Variants in DEPTOR observed in about 807,000 individuals in gnomAD.
DEPTOR encodes the protein DEP domain-containing mTOR-interacting protein.
Under a neutral mutation model 41.6 loss-of-function variants are expected in DEPTOR, and 41 were observed. That is an observed-to-expected ratio of 0.98 (90% CI 0.77 to 1.28). The LOEUF (loss-of-function observed/expected upper bound fraction) is 1.28, where lower values mean the gene tolerates loss of function less well. Ranked by LOEUF, DEPTOR falls within the 50% of genes most tolerant of loss-of-function variation. The pLI is 0.00. For synonymous variants in DEPTOR, 195 were observed against 192.3 expected (o/e 1.01, Z -0.12); for missense variants, 514 against 527.9 (o/e 0.97, Z 0.26).
chr8:119,893,413 G>C lies in DEPTOR; in HGVS notation c.122+19445G>C, dbSNP rs372349109. ...AGGAGTTTGAAATCTGTGAGAATTT[G>C]GGCATTATCTGGACATTTTTGGTTC... On this transcript the variant is annotated intron_variant, in intron 1 of 8. Coordinates refer to ENST00000286234, the MANE Select transcript of DEPTOR (RefSeq NM_022783.4). Among the ~76,000 whole-genome samples the C allele has an allele frequency of 2.0e-5, 3 of 152,126 alleles. No individual in the cohort carries two copies. In the East Asian group the frequency reaches 5.8e-4, roughly 29 times the overall value.
At chr8:119,959,613 GC>G in intron 3 of DEPTOR, among the ~76,000 whole-genome samples, 1 of 150,270 alleles carries the variant, frequency 6.7e-6, no homozygotes. Context: ...TGCAACCTCT[GC>G]CTGCCAGGTT....
chr8:119,880,248 A>G (rs1016208315), intron 1 of DEPTOR, among the ~76,000 whole-genome samples: 2 of 152,192 alleles, frequency 1.3e-5, no homozygotes, highest in African/African-American at 2.4e-5. Flanking sequence ...AATAATAACA[A>G]TAACACTTAC....
intron 4 of DEPTOR, among the ~76,000 whole-genome samples, chr8:119,971,940 G>C (rs764050810): frequency 3.1e-4 from 47 of 152,144 alleles, no homozygotes; most frequent in Non-Finnish European, 6.0e-4. Flanking sequence ...TAGGCAGGCC[G>C]ATACAACACA....
intron 8 of DEPTOR, among the ~76,000 whole-genome samples, chr8:120,044,874 T>A (rs1813131733): frequency 6.6e-6 from 1 of 152,208 alleles, no homozygotes; most frequent in South Asian, 2.1e-4. Context: ...TAAACTAAAT[T>A]GTAAGCTTCG....
intron 4 of DEPTOR, among the ~76,000 whole-genome samples, chr8:119,993,447 C>A (rs1196861904): frequency 1.3e-5 from 2 of 152,132 alleles, no homozygotes; most frequent in Non-Finnish European, 2.9e-5. Flanking sequence ...CTTGGAAAGT[C>A]CCAGAAATTA....
Position 120,049,983 on chromosome 8 carries a change from T to C in DEPTOR, c.*279T>C, listed in dbSNP as rs1813211818. On this transcript the variant is annotated 3_prime_UTR_variant, in exon 9 of 9. Transcript: ENST00000286234. ...TTCTATTTGTAGCTCTCATTCATTG[T>C]TTTTTATCTTAGTTTGCAGAAAGGT... The C allele has an allele frequency of 4.1e-6, 1 of 242,564 alleles. No individual in the cohort carries two copies. Among genetic ancestry groups the C allele is most frequent in the Admixed American group, 5.6e-5 (1 of 17,930 alleles). 15.0% of individuals were successfully genotyped at this position (242,564 alleles called of 1,614,324 possible).
At chr8:119,958,807 A>G (rs117277944) in intron 3 of DEPTOR, among the ~76,000 whole-genome samples, 1 of 152,176 alleles carries the variant, frequency 6.6e-6, no homozygotes, top group Non-Finnish European at 1.5e-5. Flanking sequence ...AAGAAGAAGA[A>G]TAACCTCACT....
At chr8:119,940,621 C>G (rs1828190483) in intron 3 of DEPTOR, among the ~76,000 whole-genome samples, 1 of 151,982 alleles carries the variant, frequency 6.6e-6, no homozygotes, top group South Asian at 2.1e-4. Context: ...TGGTGGGTGC[C>G]TGTAATCTCA....
intron 1 of DEPTOR, among the ~76,000 whole-genome samples, chr8:119,921,120 G>A (rs1196675119): frequency 6.6e-6 from 1 of 152,064 alleles, no homozygotes; most frequent in Admixed American, 6.6e-5. Context: ...GGGACTAAAG[G>A]CATGTGCCAC....
chr8:119,908,466 A>AGTAAGTG (rs1827696246), intron 1 of DEPTOR, among the ~76,000 whole-genome samples: 1 of 152,196 alleles, frequency 6.6e-6, no homozygotes, highest in South Asian at 2.1e-4. Context: ...AATAAATGTA[A>AGTAAGTG]GTAAGTGTTT....
chr8:120,045,911 C>G (rs1484708394), intron 8 of DEPTOR, among the ~76,000 whole-genome samples: 1 of 152,182 alleles, frequency 6.6e-6, no homozygotes, highest in South Asian at 2.1e-4. Flanking sequence ...GCTGACTGCC[C>G]TTTTCCTACC....
intron 3 of DEPTOR, among the ~76,000 whole-genome samples, chr8:119,945,613 G>C (rs1828261489): frequency 6.6e-6 from 1 of 152,142 alleles, no homozygotes; most frequent in African/African-American, 2.4e-5. Flanking sequence ...AAATAAAAAA[G>C]TTAAATTCCT....
intron 4 of DEPTOR, among the ~76,000 whole-genome samples, chr8:119,970,980 C>T (rs1020639805): frequency 2.0e-5 from 3 of 152,122 alleles, no homozygotes; most frequent in Non-Finnish European, 2.9e-5. Flanking sequence ...CCCGTAATCC[C>T]AGCATTCTGG....
chr8:119,905,292 C>T (rs941247803), intron 1 of DEPTOR, among the ~76,000 whole-genome samples: 5 of 152,052 alleles, frequency 3.3e-5, no homozygotes, highest in African/African-American at 1.2e-4. Context: ...AGAATTTCTG[C>T]AATAGAAGGA....
intron 4 of DEPTOR, among the ~76,000 whole-genome samples, chr8:119,979,462 A>C (rs958553374): frequency 2.0e-5 from 3 of 151,772 alleles, no homozygotes; most frequent in African/African-American, 7.3e-5. Context: ...AGGGTTTTGC[A>C]ATGTTGCCCA....
chr8:120,025,949 C>T (rs1812789997), intron 8 of DEPTOR, among the ~76,000 whole-genome samples: 1 of 151,528 alleles, frequency 6.6e-6, no homozygotes, highest in South Asian at 2.1e-4. Context: ...TTTTTAGCTC[C>T]TGAAACCAGT....
At chr8:120,030,107 G>A (rs1275166862) in intron 8 of DEPTOR, among the ~76,000 whole-genome samples, 2 of 152,034 alleles carry the variant, frequency 1.3e-5, no homozygotes, top group African/African-American at 2.4e-5. Context: ...CCATATCCTC[G>A]TAAGCCTGGG....
At chr8:120,023,580 T>A (rs1352386803) in intron 8 of DEPTOR, among the ~76,000 whole-genome samples, 1 of 151,982 alleles carries the variant, frequency 6.6e-6, no homozygotes, top group Non-Finnish European at 1.5e-5. Flanking sequence ...AACATGAGAG[T>A]GTCTTTACTA....
At chr8:119,919,828 C>T (rs1563965748) in intron 1 of DEPTOR, among the ~76,000 whole-genome samples, 1 of 152,152 alleles carries the variant, frequency 6.6e-6, no homozygotes, top group Non-Finnish European at 1.5e-5. Flanking sequence ...TTTCAATCTC[C>T]CCTTTGTTCC....
Sources: gnomAD v4.1 joint callset for allele counts (sites outside exome capture counted in the v4.1 genomes callset) on GRCh38, gnomAD v4.1.1 for gene constraint, MANE v1.5 for transcripts, NCBI Gene and HGNC (gene_info 2026-07-23, HGNC 2026-07-21) for gene names.